Variants in ZC4H2 observed in about 807,000 individuals in gnomAD.
The protein encoded by ZC4H2 is zinc finger C4H2 domain-containing protein.
For synonymous variants in ZC4H2, 84 were observed against 66.3 expected, an observed-to-expected ratio of 1.27 and a Z score of -1.30; for missense variants, 137 against 173.9, an observed-to-expected ratio of 0.79 and a Z score of 1.19.
intron 1 of ZC4H2, among the ~76,000 whole-genome samples, chrX:65,031,459 G>T (rs181886902): frequency 7.1e-4 from 79 of 110,527 alleles, no homozygotes; most frequent in African/African-American, 2.5e-3. Context: ...TGCATCTACT[G>T]TGCCAGCACA....
chrX:64,944,599 C>T (rs191117192), intron 1 of ZC4H2, among the ~76,000 whole-genome samples: 101 of 111,000 alleles, frequency 9.1e-4, no homozygotes, highest in African/African-American at 3.2e-3. Flanking sequence ...GTGCTCTCTG[C>T]ACTTTCTGAA....
chrX:65,002,438 G>A (rs1246898287), intron 1 of ZC4H2, among the ~76,000 whole-genome samples: 1 of 107,808 alleles, frequency 9.3e-6, no homozygotes, highest in African/African-American at 3.4e-5. Flanking sequence ...CCATCCGGGA[G>A]GTGGGGGGCG....
chrX:64,956,169 G>T (rs1432176563), intron 1 of ZC4H2, among the ~76,000 whole-genome samples: 2 of 111,888 alleles, frequency 1.8e-5, no homozygotes, highest in African/African-American at 6.5e-5. Flanking sequence ...TGCAGCTGCT[G>T]GCACTTGTCG....
intron 1 of ZC4H2, among the ~76,000 whole-genome samples, chrX:65,004,109 A>G (rs1233978401): frequency 1.8e-5 from 2 of 111,567 alleles, no homozygotes; most frequent in African/African-American, 6.5e-5. Flanking sequence ...CCTACCAACC[A>G]AAAAAGCCCA....
At chrX:64,941,957 G>A (rs755376603) in intron 1 of ZC4H2, among the ~76,000 whole-genome samples, 1 of 112,094 alleles carries the variant, frequency 8.9e-6, no homozygotes, top group African/African-American at 3.2e-5. Flanking sequence ...AATAGTTTCA[G>A]AAGAAATTGT....
chrX:64,936,936 A>C (rs1376654860), intron 1 of ZC4H2, among the ~76,000 whole-genome samples: 1 of 111,916 alleles, frequency 8.9e-6, no homozygotes, highest in Non-Finnish European at 1.9e-5. Flanking sequence ...CTTAAATGTA[A>C]ACGAGCTAAA....
intron 1 of ZC4H2, among the ~76,000 whole-genome samples, chrX:65,009,712 A>G (rs1463995937): frequency 1.8e-5 from 2 of 112,031 alleles, no homozygotes; most frequent in Non-Finnish European, 3.8e-5. Context: ...AATCCACTGC[A>G]TGTGCATCCA....
chrX:64,918,001 C>G (rs372865329), intron 4 of ZC4H2, 105 bp from the exon 5 acceptor site: 12 of 934,461 alleles, frequency 1.3e-5, no homozygotes, highest in Admixed American at 3.2e-5. Flanking sequence ...GATTTCCCAT[C>G]AGAAGAGAGC....
Position 64,916,679 on chromosome X carries a change from AGG to A in ZC4H2, c.*1102_*1103del, listed in dbSNP as rs1928943835. ...ACCAGGAAACCTGGCTTTGGTGGAA[AGG>A]AGAGCTGTGGGGCTTGGGGAGCCTG... On this transcript the variant is annotated 3_prime_UTR_variant, in exon 5 of 5. Transcript: ENST00000374839. The A allele has an allele frequency of 9.0e-6, 1 of 111,399 alleles. No individual in the cohort carries two copies. 9.2% of individuals were successfully genotyped at this position (111,399 alleles called of 1,213,427 possible).
intron 1 of ZC4H2, among the ~76,000 whole-genome samples, chrX:64,929,043 C>T (rs924581389): frequency 7.4e-5 from 8 of 108,731 alleles, no homozygotes; most frequent in South Asian, 4.1e-4. Context: ...CATAAGCCAC[C>T]GTGCCAGCTA....
At chrX:64,955,040 T>C (rs1021384468) in intron 1 of ZC4H2, among the ~76,000 whole-genome samples, 6 of 111,526 alleles carry the variant, frequency 5.4e-5, no homozygotes, top group African/African-American at 1.6e-4. Flanking sequence ...TCGTTAAAGC[T>C]TTTGTTATTA....
At chrX:64,961,578 GAAGA>G (rs1410206151) in intron 1 of ZC4H2, among the ~76,000 whole-genome samples, 2 of 111,078 alleles carry the variant, frequency 1.8e-5, no homozygotes, top group Non-Finnish European at 3.8e-5. Flanking sequence ...AGGAAATAAT[GAAGA>G]GAGAGCAGAA....
At chrX:65,016,926 C>T (rs1197811926) in intron 1 of ZC4H2, among the ~76,000 whole-genome samples, 4 of 111,985 alleles carry the variant, frequency 3.6e-5, no homozygotes, top group African/African-American at 1.3e-4. Context: ...AAGGCTTTGC[C>T]CAGCTGCCTG....
intron 1 of ZC4H2, among the ~76,000 whole-genome samples, chrX:64,975,049 G>A (rs984768594): frequency 1.8e-5 from 2 of 108,958 alleles, no homozygotes; most frequent in African/African-American, 6.8e-5. Flanking sequence ...GACATAGTGG[G>A]AAAAGGAATA....
At chrX:64,949,694 T>C (rs1293679609) in intron 1 of ZC4H2, among the ~76,000 whole-genome samples, 1 of 111,758 alleles carries the variant, frequency 8.9e-6, no homozygotes. Context: ...GGTGGTGATA[T>C]CCCCTTTATC....
chrX:64,930,447 A>T (rs888100144), intron 1 of ZC4H2, among the ~76,000 whole-genome samples: 6 of 111,693 alleles, frequency 5.4e-5, no homozygotes, highest in African/African-American at 2.0e-4. Context: ...GTCTTGTTCC[A>T]GTTCTCACGG....
intron 4 of ZC4H2, 55 bp downstream of exon 4, chrX:64,918,987 C>T (rs1402420980): frequency 4.5e-6 from 5 of 1,118,631 alleles, no homozygotes; most frequent in African/African-American, 3.7e-5. Flanking sequence ...CCTTCCACGG[C>T]CCTTCCATGG....
At chrX:64,933,537 C>A (rs759162175) in intron 1 of ZC4H2, among the ~76,000 whole-genome samples, 3 of 110,733 alleles carry the variant, frequency 2.7e-5, no homozygotes, top group African/African-American at 3.3e-5. Context: ...TTTTTAACTT[C>A]TTTTTTTCTT....
At chrX:65,000,947 A>C (rs1367404660) in intron 1 of ZC4H2, among the ~76,000 whole-genome samples, 3 of 111,852 alleles carry the variant, frequency 2.7e-5, no homozygotes, top group African/African-American at 6.5e-5. Context: ...GAAAAGACCA[A>C]ACTTATATTT....
Sources: gnomAD v4.1 joint callset for allele counts (sites outside exome capture counted in the v4.1 genomes callset) on GRCh38, gnomAD v4.1.1 for gene constraint, MANE v1.5 for transcripts, NCBI Gene and HGNC (gene_info 2026-07-23, HGNC 2026-07-21) for gene names.